The following BAX variants were observed in gnomAD, a reference collection of about 807,000 sequenced individuals.
The protein encoded by BAX is apoptosis regulator BAX.
BAX carries 21 observed loss-of-function variants against 26.8 expected under a neutral mutation model. The ratio of observed to expected loss-of-function variants is 0.78; its 90% confidence interval spans 0.56 to 1.13. The LOEUF is 1.13. Ranked by LOEUF, BAX falls within the 50% of genes most tolerant of loss-of-function variation. The pLI is 0.00. For synonymous variants in BAX, 110 were observed against 101.8 expected (o/e 1.08, Z -0.49); for missense variants, 236 against 254.6 (o/e 0.93, Z 0.50).
chr19:48,957,265 CTTTTTTTTTTTTTTTTT>C (rs61415800), intron 4 of BAX, among the ~76,000 whole-genome samples: 1 of 54,934 alleles, frequency 1.8e-5, no homozygotes, highest in Non-Finnish European at 3.1e-5. Context: ...TTTTTCTTTT[CTTTTTTTTTTTTTTTTT>C]TTTTTTTTTT....
rs542409265 is a variant in BAX, at chr19:48,955,131, C to T, written c.34+169C>T. On this transcript the variant is annotated intron_variant, in intron 1 of 5. Coordinates refer to ENST00000345358, the MANE Select transcript of BAX (RefSeq NM_138761.4). ...CCTCCGTCCTCGGAGGTTCCTGGCT[C>T]TCTGATCCCCGTGTCCCGATCCCTG... is the stretch of plus-strand genomic sequence containing the variant. 1.2e-4 allele frequency: 99 copies of T among 797,224 alleles called. No homozygotes were observed. The African/African-American group carries it at 1.6e-3, about 13-fold the overall frequency. 49.4% of individuals were successfully genotyped at this position (797,224 alleles called of 1,614,324 possible).
intron 1 of BAX, 36 bp downstream of exon 1, chr19:48,954,998 G>T: frequency 1.6e-6 from 2 of 1,239,934 alleles, no homozygotes; most frequent in Non-Finnish European, 2.0e-6. Context: ...AGGAGGGCGA[G>T]CCCCCTCGCC....
intron 4 of BAX, among the ~76,000 whole-genome samples, chr19:48,957,367 C>T (rs900000388): frequency 5.4e-5 from 8 of 147,750 alleles, no homozygotes; most frequent in Non-Finnish European, 1.0e-4. Context: ...CTCTGCCTCC[C>T]GGGTTCAAGT....
rs555909139 is a variant in BAX at position 48,958,285 on chromosome 19, G to A, written c.369+1952G>A. 1.6e-3 allele frequency among the ~76,000 whole-genome samples: 249 copies of A among 151,332 alleles called. 1 individual carries two copies. The highest frequency in any genetic ancestry group is 5.7e-3 in the African/African-American group (236 of 41,222). ...TGCATTAGTCTTTTTCTATAGAGAC[G>A]GGGTCTCGCTATGTTGTCCAGGCTG... On this transcript the variant is annotated intron_variant, in intron 4 of 5. Transcript: ENST00000345358.
chr19:48,955,245 C>T (rs1352771498), intron 1 of BAX: 5 of 419,438 alleles, frequency 1.2e-5, no homozygotes, highest in South Asian at 1.1e-4. Flanking sequence ...CGCACCACTT[C>T]CTGCCTCTGG....
rs754460156 is a variant in BAX, at chr19:48,956,341, G to C, written c.369+8G>C. ...AGCAAACTGGTGCTCAAGGTGGGCAGCTGCAGGGCAGTGAGCCCAGGGATG... is the reference window on the plus strand; with the variant it reads ...AGCAAACTGGTGCTCAAGGTGGGCACCTGCAGGGCAGTGAGCCCAGGGATG... On this transcript the variant is annotated splice_region_variant and intron_variant, in intron 4 of 5. Transcript: ENST00000345358. 6.4e-7 allele frequency: 1 copy of C among 1,550,390 alleles called. No individual in the cohort carries two copies. Among genetic ancestry groups the C allele is most frequent in the Admixed American group, 2.0e-5 (1 of 50,590 alleles).
chr19:48,961,570 G>A lies in BAX; in HGVS notation c.513G>A (p.Gln171=), dbSNP rs775345231. 1.2e-6 allele frequency: 2 copies of A among 1,611,740 alleles called. No individual in the cohort carries two copies. Among genetic ancestry groups the A allele is most frequent in the Non-Finnish European group, 1.7e-6 (2 of 1,179,090 alleles). ...LLSYFGTPTW[Q]TVTIFVAGVL... ...CCTACTTTGGGACGCCCACGTGGCA[G>A]ACCGTGACCATCTTTGTGGCGGGAG... Residue 171 remains glutamine (Q), a synonymous_variant, in exon 6 of 6, where the codon CAG becomes CAA. Transcript: ENST00000345358.
rs142278713 is a variant in BAX, at chr19:48,955,794, G to T, written c.194G>T (p.Arg65Leu). 4 of 1,611,672 alleles carry T rather than the reference G, an allele frequency of 2.5e-6. No individual in the cohort carries two copies. In the African/African-American group the frequency reaches 5.4e-5, roughly 22 times the overall value. ...STKKLSECLK[R>L]IGDELDSNME... ...AAGAAGCTGAGCGAGTGTCTCAAGCGCATCGGGGACGAACTGGACAGTAAC... is the reference window on the plus strand; with the variant it reads ...AAGAAGCTGAGCGAGTGTCTCAAGCTCATCGGGGACGAACTGGACAGTAAC... The change falls in exon 3 of 6, where the codon CGC becomes CTC. Residue 65 changes from arginine to leucine, a missense_variant. By Grantham distance (102) the Arg-to-Leu change is moderately radical. Transcript: ENST00000345358.
In BAX at chr19:48,955,748, G is replaced by C; in HGVS notation, c.148G>C (p.Val50Leu). ...GGCACCCGAGCTGGCCCTGGACCCG[G>C]TGCCTCAGGATGCGTCCACCAAGAA... ...GEAPELALDP[V>L]PQDASTKKLS... is the part of the protein sequence containing the mutation. The change falls in exon 3 of 6, where the codon GTG becomes CTG. Residue 50 changes from valine to leucine, a missense_variant. Physicochemically the swap from Val to Leu is conservative, Grantham distance 32 (BLOSUM62 1). Coordinates refer to ENST00000345358, the MANE Select transcript of BAX (RefSeq NM_138761.4). The C allele has an allele frequency of 1.2e-6, 2 of 1,613,504 alleles. No individual in the cohort carries two copies. Among genetic ancestry groups the C allele is most frequent in the South Asian group, 1.1e-5 (1 of 91,032 alleles).
At chr19:48,955,255 G>A in intron 1 of BAX, 2 of 418,694 alleles carry the variant, frequency 4.8e-6, no homozygotes, top group Non-Finnish European at 8.2e-6. Context: ...CCTGCCTCTG[G>A]CACTGGTGGG....
At chr19:48,956,434 A>G in intron 4 of BAX, 101 bp downstream of exon 4, 1 of 1,320,808 alleles carries the variant, frequency 7.6e-7, no homozygotes, top group Non-Finnish European at 1.0e-6. Flanking sequence ...CAGTGACCAC[A>G]GAGGGCATGG....
chr19:48,955,541 C>T lies in BAX; in HGVS notation c.35-7C>T, dbSNP rs1332858807. The T allele has an allele frequency of 1.2e-6, 2 of 1,612,058 alleles. No homozygotes were observed. The highest frequency in any genetic ancestry group is 1.7e-5 in the Admixed American group (1 of 59,686). On this transcript the variant is annotated splice_polypyrimidine_tract_variant and splice_region_variant and intron_variant, in intron 1 of 5. Coordinates refer to ENST00000345358, the MANE Select transcript of BAX (RefSeq NM_138761.4). ...CCAGGTACCTCTTCCCTTCCTTTCT[C>T]CTCTAGGGCCCACCAGCTCTGAGCA...
chr19:48,961,025 GT>G, intron 5 of BAX, 111 bp downstream of exon 5: 21 of 1,612,246 alleles, frequency 1.3e-5, no homozygotes, highest in Non-Finnish European at 1.8e-5. Flanking sequence ...TCTGGAGCAG[GT>G]CACAGTGGTG....
At chr19:48,959,632 T>C (rs1414365990) in intron 4 of BAX, among the ~76,000 whole-genome samples, 1 of 142,336 alleles carries the variant, frequency 7.0e-6, no homozygotes, top group African/African-American at 2.6e-5. Flanking sequence ...CTGACCAACA[T>C]GGTGAAACCT....
intron 3 of BAX, 30 bp from the exon 4 acceptor site, chr19:48,956,168 C>T (rs779583892): frequency 1.3e-6 from 2 of 1,488,768 alleles, no homozygotes; most frequent in East Asian, 2.5e-5. Flanking sequence ...GATGCCTGCT[C>T]CCCGGCACTG....
intron 5 of BAX, chr19:48,961,260 T>C (rs1361283182): frequency 2.8e-6 from 4 of 1,432,130 alleles, no homozygotes; most frequent in Non-Finnish European, 3.6e-6. Flanking sequence ...CTTTTTTTTT[T>C]TTTCCCCACT....
rs1156326634 is a variant in BAX, at chr19:48,961,743, TG to T, written c.*113del. 5 of 554,862 alleles carry T rather than the reference TG, an allele frequency of 9.0e-6. No homozygotes were observed. The highest frequency in any genetic ancestry group is 5.5e-5 in the East Asian group (1 of 18,324). 34.4% of individuals were successfully genotyped at this position (554,862 alleles called of 1,614,324 possible). A position where few individuals can be genotyped will look rare whatever the true frequency, so the allele number is the denominator to read the frequency against. Reference sequence around the variant, plus strand: ...GCATTTTTCTTACTTTTGTAATTATTGGGGGGTGTGGGGAAGAGTGGTCTTG... The same window carrying T: ...GCATTTTTCTTACTTTTGTAATTATTGGGGGTGTGGGGAAGAGTGGTCTTG... On this transcript the variant is annotated 3_prime_UTR_variant, in exon 6 of 6. Coordinates refer to ENST00000345358, the MANE Select transcript of BAX (RefSeq NM_138761.4).
chr19:48,961,106 C>G (rs4645900), intron 5 of BAX, 192 bp downstream of exon 5: 2 of 1,572,700 alleles, frequency 1.3e-6, no homozygotes, highest in East Asian at 2.2e-5. Context: ...GATCAATCCC[C>G]GATTCATCTA....
intron 4 of BAX, among the ~76,000 whole-genome samples, chr19:48,958,604 C>T (rs1295534286): frequency 1.3e-5 from 2 of 150,222 alleles, no homozygotes; most frequent in Admixed American, 6.6e-5. Flanking sequence ...AGTGCAGTGG[C>T]GCGATCTCAG....
Sources: gnomAD v4.1 joint callset for allele counts (sites outside exome capture counted in the v4.1 genomes callset) on GRCh38, gnomAD v4.1.1 for gene constraint, MANE v1.5 for transcripts, NCBI Gene and HGNC (gene_info 2026-07-23, HGNC 2026-07-21) for gene names.